ADGRG1: variants seen among roughly 807,000 people sequenced by gnomAD.
ADGRG1 encodes adhesion G protein-coupled receptor G1.
A neutral mutation model predicts 73.5 loss-of-function variants in ADGRG1; 53 were observed. The observed-to-expected ratio is 0.72, with a 90% CI of 0.58 to 0.91. The LOEUF is 0.91. Among genes scored for constraint, ADGRG1 ranks in the 40% least tolerant of loss-of-function variants. The pLI is 0.00. For synonymous variants in ADGRG1, 394 were observed against 374.4 expected (o/e 1.05, Z -0.60); for missense variants, 795 against 871.8 (o/e 0.91, Z 1.11).
At chr16:57,646,338 G>C (rs1243614958) in intron 1 of ADGRG1, 8 of 977,122 alleles carry the variant, frequency 8.2e-6, no homozygotes, top group Admixed American at 1.2e-4. Context: ...CTGGAGCCCT[G>C]GGGGTGGGGC....
intron 1 of ADGRG1, chr16:57,631,592 A>G (rs1339763406): frequency 1.0e-6 from 1 of 985,096 alleles, no homozygotes; most frequent in Non-Finnish European, 1.2e-6. Context: ...GGCCCTGTGG[A>G]CCCCGCCTTC....
chr16:57,627,679 T>C (rs537855818), upstream of ADGRG1: 47 of 496,318 alleles, frequency 9.5e-5, no homozygotes, highest in Non-Finnish European at 1.2e-4. Context: ...CCTTCTGGCA[T>C]TGTAAAAGCC....
At chr16:57,623,331 T>C (rs1294799315), upstream of ADGRG1, among the ~76,000 whole-genome samples, 2 of 152,114 alleles carry the variant, frequency 1.3e-5, no homozygotes, top group Non-Finnish European at 2.9e-5. Context: ...GACCACAAGC[T>C]CCAGCGCTTT....
chr16:57,632,398 A>G (rs529687113), intron 1 of ADGRG1: 1 of 820,454 alleles, frequency 1.2e-6, no homozygotes, highest in South Asian at 5.6e-5. Flanking sequence ...GTGGATCACA[A>G]TCACATCTGC....
At chr16:57,662,896 C>T (rs1175583879) in intron 13 of ADGRG1, 1 of 984,410 alleles carries the variant, frequency 1.0e-6, no homozygotes, top group Non-Finnish European at 1.2e-6. Flanking sequence ...AGGCCAGCCT[C>T]CCATACAGGG....
At chr16:57,641,423 G>T in intron 1 of ADGRG1, 1 of 980,626 alleles carries the variant, frequency 1.0e-6, no homozygotes, top group Non-Finnish European at 1.2e-6. Context: ...AGCATAAGCT[G>T]AACAGGCCTG....
Position 57,651,508 on chromosome 16 carries a change from C to G in ADGRG1, c.373C>G (p.Gln125Glu), listed in dbSNP as rs373091133. 9.9e-6 allele frequency: 16 copies of G among 1,614,106 alleles called. No individual in the cohort carries two copies. Among genetic ancestry groups the G allele is most frequent in the Non-Finnish European group, 1.4e-5 (16 of 1,180,038 alleles). ...KASSLLCFQH[Q>E]EESLAQGPPL... ...CTCTAGCCTCCTCTGCTTCCAGCAC[C>G]AGGAGGAGAGCCTGGCTCAGGGCCC... is the stretch of plus-strand genomic sequence containing the variant. The change falls in exon 3 of 14, where the codon CAG (glutamine) becomes GAG (glutamate). Residue 125 changes from glutamine (Q) to glutamate (E), a missense_variant. Physicochemically the swap from Gln to Glu is conservative, Grantham distance 29. Transcript: ENST00000562631.
chr16:57,624,165 AG>A, upstream of ADGRG1: 3 of 981,510 alleles, frequency 3.1e-6, no homozygotes, highest in Non-Finnish European at 3.6e-6. Flanking sequence ...TCAGCTTGCA[AG>A]GGGAGAAGCC....
chr16:57,662,227 A>G (rs1200918622), intron 13 of ADGRG1, among the ~76,000 whole-genome samples: 1 of 152,156 alleles, frequency 6.6e-6, no homozygotes, highest in Admixed American at 6.5e-5. Flanking sequence ...CTACTGGGGA[A>G]GACTGCGCAT....
At chr16:57,645,435 C>A in intron 1 of ADGRG1, 1 of 607,064 alleles carries the variant, frequency 1.6e-6, no homozygotes, top group Non-Finnish European at 2.0e-6. Flanking sequence ...CCTTCCAGGG[C>A]CCCGCTAAAT....
chr16:57,635,509 C>G, intron 1 of ADGRG1: 2 of 985,340 alleles, frequency 2.0e-6, no homozygotes, highest in Non-Finnish European at 2.4e-6. Flanking sequence ...GTGGCATGCC[C>G]CAGGGTCCCG....
intron 1 of ADGRG1, chr16:57,635,371 GCTC>G: frequency 1.0e-6 from 1 of 985,354 alleles, no homozygotes; most frequent in Middle Eastern, 5.2e-4. Context: ...CTGTCCTCCA[GCTC>G]CTCTCCTGCC....
chr16:57,649,368 G>A (rs1439316324), intron 1 of ADGRG1, among the ~76,000 whole-genome samples: 14 of 152,326 alleles, frequency 9.2e-5, no homozygotes, highest in African/African-American at 2.6e-4. Flanking sequence ...TGACCAAGGA[G>A]GAGGGAATGC....
intron 10 of ADGRG1, 84 bp downstream of exon 10, chr16:57,657,575 T>C: frequency 1.9e-6 from 2 of 1,050,798 alleles, no homozygotes; most frequent in African/African-American, 1.5e-5. Flanking sequence ...TCTCCGGTCA[T>C]GGCCCGCCCG....
chr16:57,655,245 G>C lies in ADGRG1; in HGVS notation c.769-154G>C, dbSNP rs1470603027. 6 of 985,344 alleles carry C rather than the reference G, an allele frequency of 6.1e-6. No individual in the cohort carries two copies. In the African/African-American group the frequency reaches 1.0e-4, roughly 17 times the overall value. The allele number at this position is 985,344 out of a possible 1,614,324, so 61.0% of individuals were successfully genotyped here. On this transcript the variant is annotated intron_variant, in intron 5 of 13. Coordinates refer to ENST00000562631, the MANE Select transcript of ADGRG1 (RefSeq NM_201525.4). ...CTGGTAGCAGGGAAGGGAGGGATGA[G>C]GAGGGCTGTCATGAGTCAGGCTTGA...
chr16:57,628,123 C>T (rs548192060), upstream of ADGRG1: 1,619 of 928,118 alleles, frequency 1.7e-3, no homozygotes, highest in African/African-American at 5.3e-3. Context: ...GCCTCCTGCC[C>T]GGCTGCCTGT....
At chr16:57,627,174 A>G, upstream of ADGRG1, 1 of 765,300 alleles carries the variant, frequency 1.3e-6, no homozygotes, top group Middle Eastern at 6.5e-4. Flanking sequence ...GTAGGTGAGG[A>G]GTGCAGTTCA....
chr16:57,654,029 A>C lies in ADGRG1; in HGVS notation c.664A>C (p.Met222Leu), dbSNP rs777239877. 6 of 1,614,086 alleles carry C rather than the reference A, an allele frequency of 3.7e-6. No homozygotes were observed. Among genetic ancestry groups the C allele is most frequent in the Non-Finnish European group, 5.1e-6 (6 of 1,180,024 alleles). ...LESKLTSVRF[M>L]GDMVSFEEDR... ...GTCGAAACTGACCTCTGTGAGATTC[A>C]TGGGGGACATGGTGTCCTTCGAGGA... The change falls in exon 5 of 14, where the codon ATG (methionine) becomes CTG (leucine). Residue 222 changes from methionine (M) to leucine (L), a missense_variant. Physicochemically the swap from Met to Leu is conservative, Grantham distance 15 (BLOSUM62 2). Coordinates refer to ENST00000562631, the MANE Select transcript of ADGRG1 (RefSeq NM_201525.4).
At chr16:57,649,117 T>C in intron 1 of ADGRG1, among the ~76,000 whole-genome samples, 1 of 152,134 alleles carries the variant, frequency 6.6e-6, no homozygotes. Context: ...GGCGGGGCAA[T>C]ACCGAGTCCT....
Sources: gnomAD v4.1 joint callset for allele counts (sites outside exome capture counted in the v4.1 genomes callset) on GRCh38, gnomAD v4.1.1 for gene constraint, MANE v1.5 for transcripts, NCBI Gene and HGNC (gene_info 2026-07-23, HGNC 2026-07-21) for gene names.